CHD7: variants seen among roughly 807,000 people sequenced by gnomAD.
The protein encoded by CHD7 is ATP-dependent chromatin remodeler CHD7.
CHD7 carries 24 observed loss-of-function variants against 307.3 expected under a neutral mutation model. The ratio of observed to expected loss-of-function variants is 0.08; its 90% CI spans 0.06 to 0.11. The LOEUF (loss-of-function observed/expected upper bound fraction) is 0.11. Ranked by LOEUF, CHD7 falls within the 10% of genes least tolerant of loss-of-function variation. The pLI is 1.00. For missense variants in CHD7, 3,106 were observed against 3,727.1 expected, an observed-to-expected ratio of 0.83 and a Z score of 4.34; for synonymous variants, 1,363 against 1,349.9, an observed-to-expected ratio of 1.01 and a Z score of -0.21.
rs780993039 is a variant in CHD7 at position 60,865,638 on chromosome 8, C to A, written c.8699C>A (p.Pro2900Gln). The A allele has an allele frequency of 2.5e-6, 4 of 1,611,676 alleles. No individual in the cohort carries two copies. The highest frequency in any genetic ancestry group is 2.7e-5 in the African/African-American group (2 of 74,934). The part of the protein sequence containing the change: ...FNPFLLSTMA[P>Q]GLFYPSMFLP... ...CCTTTCCTCCTGTCCACAATGGCCCCGGGCCTCTTCTACCCATCCATGTTT... is the reference window on the plus strand; with the variant it reads ...CCTTTCCTCCTGTCCACAATGGCCCAGGGCCTCTTCTACCCATCCATGTTT... Residue 2900 changes from proline (P) to glutamine (Q), a missense_variant, in exon 38 of 38, where the codon CCG (proline) becomes CAG (glutamine). Pro to Gln is a moderately conservative substitution (Grantham distance 76). Transcript: ENST00000423902. The surrounding 1 kb of genome is among the most constrained non-coding windows in gnomAD (Gnocchi z 4.3).
rs759728152 is a variant in CHD7, at chr8:60,821,978, G to T, written c.2836-46G>T. 3 of 1,613,422 alleles carry T rather than the reference G, an allele frequency of 1.9e-6. No individual in the cohort carries two copies. The East Asian group carries it at 6.7e-5, about 36-fold the overall frequency. ...TTTAATTTGAAAATAGCATAGTGGT[G>T]TGGTCTTTGGGAAACCACTAATGGG... On this transcript the variant is annotated intron_variant, in intron 10 of 37. Coordinates refer to ENST00000423902, the MANE Select transcript of CHD7 (RefSeq NM_017780.4).
At chr8:60,838,873 C>T (rs904837328) in intron 19 of CHD7, among the ~76,000 whole-genome samples, 1 of 152,214 alleles carries the variant, frequency 6.6e-6, no homozygotes, top group Non-Finnish European at 1.5e-5. Context: ...GCATTTTGTT[C>T]TAGCCATCTC....
intron 13 of CHD7, among the ~76,000 whole-genome samples, chr8:60,826,044 T>G (rs777903123): frequency 2.0e-5 from 3 of 152,204 alleles, no homozygotes; most frequent in Non-Finnish European, 4.4e-5. Context: ...ATACTAACAT[T>G]TGATAAATGG....
At chr8:60,757,094 T>C (rs1002803814) in intron 2 of CHD7, among the ~76,000 whole-genome samples, 4 of 152,148 alleles carry the variant, frequency 2.6e-5, no homozygotes, top group Non-Finnish European at 2.9e-5. Flanking sequence ...TCTGCTGGGA[T>C]TGGGGCCTTA....
chr8:60,749,197 CCT>C (rs905493678), intron 2 of CHD7, among the ~76,000 whole-genome samples: 24 of 151,152 alleles, frequency 1.6e-4, no homozygotes, highest in Admixed American at 1.4e-3. Context: ...ATAGTGAAAC[CCT>C]GTCTCTACTA....
At chr8:60,842,784 G>A (rs981159295) in intron 21 of CHD7, among the ~76,000 whole-genome samples, 4 of 152,204 alleles carry the variant, frequency 2.6e-5, no homozygotes, top group African/African-American at 9.7e-5. Context: ...ATTAGTTTCA[G>A]AGTAAACACA....
intron 4 of CHD7, 63 bp from the exon 5 acceptor site, chr8:60,800,325 C>G: frequency 7.7e-6 from 12 of 1,551,914 alleles, no homozygotes; most frequent in Non-Finnish European, 1.0e-5. Flanking sequence ...AGCCACTGCG[C>G]TCGGCCACAT....
rs1377013935 is a variant in CHD7 at position 60,841,556 on chromosome 8, A to G, written c.4534-88A>G. On this transcript the variant is annotated intron_variant, in intron 19 of 37. Transcript: ENST00000423902. The stretch of plus-strand genomic sequence containing the variant: ...TGGCATAAGTGGAGGAATGCACAAT[A>G]TCGGAGCAAATACATAAACAAAAGC... 8 of 970,728 alleles carry G rather than the reference A, an allele frequency of 8.2e-6. No homozygotes were observed. In the Admixed American group the frequency reaches 1.5e-4, roughly 18 times the overall value. The allele number at this position is 970,728 out of a possible 1,614,324, so 60.1% of individuals were successfully genotyped here.
At chr8:60,843,185 G>A (rs1212788881) in intron 21 of CHD7, among the ~76,000 whole-genome samples, 4 of 152,158 alleles carry the variant, frequency 2.6e-5, no homozygotes, top group Admixed American at 6.5e-5. Context: ...TGCAGTGTGA[G>A]CAGACACACA....
At chr8:60,764,267 G>T (rs1446622201) in intron 2 of CHD7, among the ~76,000 whole-genome samples, 1 of 152,178 alleles carries the variant, frequency 6.6e-6, no homozygotes, top group Non-Finnish European at 1.5e-5. Context: ...GGGATTACAG[G>T]TGTGAGCCAC....
At chr8:60,716,552 A>C (rs528031353) in intron 1 of CHD7, among the ~76,000 whole-genome samples, 1 of 152,178 alleles carries the variant, frequency 6.6e-6, no homozygotes, top group Non-Finnish European at 1.5e-5. Flanking sequence ...CCGATCATAC[A>C]TAACTATCTT....
At chr8:60,780,554 A>G (rs1197815007) in intron 2 of CHD7, among the ~76,000 whole-genome samples, 2 of 152,194 alleles carry the variant, frequency 1.3e-5, no homozygotes, top group African/African-American at 4.8e-5. Context: ...GAATCTTGCA[A>G]TGTTCAGTAT....
intron 35 of CHD7, chr8:60,861,929 T>G: frequency 4.1e-6 from 1 of 246,660 alleles, no homozygotes; most frequent in South Asian, 7.7e-5. Context: ...TATCATGACT[T>G]GGTTAAACAT....
chr8:60,696,368 C>CT (rs1175144705), intron 1 of CHD7, among the ~76,000 whole-genome samples: 1 of 152,140 alleles, frequency 6.6e-6, no homozygotes, highest in Non-Finnish European at 1.5e-5. Flanking sequence ...TTGAATCTGC[C>CT]TGACCGCTTA....
Position 60,793,421 on chromosome 8 carries a change from T to G in CHD7, c.2097-1565T>G, listed in dbSNP as rs143776841. ...TGTAGCTATTTACTATGCTAAAATGTTAACAAAATAAAACTCTGAGTATTA... is the reference window on the plus strand; with the variant it reads ...TGTAGCTATTTACTATGCTAAAATGGTAACAAAATAAAACTCTGAGTATTA... On this transcript the variant is annotated intron_variant, in intron 3 of 37. Transcript: ENST00000423902. Among the ~76,000 whole-genome samples, 123 of 152,290 alleles carry G rather than the reference T, an allele frequency of 8.1e-4. No individual in the cohort carries two copies. In the East Asian group the frequency reaches 0.016, roughly 20 times the overall value.
Position 60,853,355 on chromosome 8 carries a change from G to A in CHD7, c.6630G>A (p.Glu2210=). The A allele has an allele frequency of 6.4e-7, 1 of 1,567,856 alleles. No individual in the cohort carries two copies. Among genetic ancestry groups the A allele is most frequent in the Non-Finnish European group, 8.6e-7 (1 of 1,159,602 alleles). Residue 2210 remains glutamate, a synonymous_variant, in exon 31 of 38, where the codon GAG becomes GAA. Coordinates refer to ENST00000423902, the MANE Select transcript of CHD7 (RefSeq NM_017780.4). ...AGAGCAAGCAGGAATGTGAGGCAGA[G>A]GCCAGCTCTGTGAAAAATGAACTGA... ...GKESKQECEA[E]ASSVKNELKG...
In CHD7 at chr8:60,842,026, G is replaced by T. The variant is rs756787300; in HGVS notation, c.4824G>T (p.Arg1608Ser). 6.2e-7 allele frequency: 1 copy of T among 1,613,504 alleles called. No homozygotes were observed. The highest frequency in any genetic ancestry group is 1.7e-5 in the Admixed American group (1 of 60,018). ...SQGYARSECFRVEKNLLVYGW... is the reference protein window; with the variant it reads ...SQGYARSECFSVEKNLLVYGW... ...GCTATGCAAGGAGTGAATGTTTCAG[G>T]GTGGAGAAGAATCTGCTTGTCTATG... Residue 1608 changes from arginine (R) to serine (S), a missense_variant, in exon 21 of 38, where the codon AGG becomes AGT. Physicochemically the swap from Arg to Ser is moderately radical, Grantham distance 110 (BLOSUM62 -1). Around this residue, in one of 10 missense-constraint regions of CHD7, gnomAD observed 122 missense variants for 124.5 expected, o/e 0.98. Transcript: ENST00000423902.
At chr8:60,744,154 G>A (rs1457788301) in intron 2 of CHD7, among the ~76,000 whole-genome samples, 1 of 152,182 alleles carries the variant, frequency 6.6e-6, no homozygotes, top group Non-Finnish European at 1.5e-5. Context: ...GTTGAGACTG[G>A]GGGATGGTTT....
At chr8:60,848,307 G>A (rs371157147) in intron 23 of CHD7, among the ~76,000 whole-genome samples, 1 of 152,214 alleles carries the variant, frequency 6.6e-6, no homozygotes. Context: ...CAGTGTGAGC[G>A]GTTGCCAGGC....
Sources: gnomAD v4.1 joint callset for allele counts (sites outside exome capture counted in the v4.1 genomes callset) on GRCh38, gnomAD v4.1.1 for gene constraint, gnomAD v4.1.1 regional missense constraint, Gnocchi (gnomAD v3.1) non-coding constraint, MANE v1.5 for transcripts, NCBI Gene and HGNC (gene_info 2026-07-23, HGNC 2026-07-21) for gene names.